The following EBF2 variants were observed in gnomAD, a reference collection of about 807,000 sequenced individuals.
EBF2 encodes EBF transcription factor 2, also known as transcription factor COE2.
Under a neutral mutation model 72.8 loss-of-function variants are expected in EBF2, and 21 were observed. The ratio of observed to expected loss-of-function variants is 0.29; its 90% CI spans 0.20 to 0.42. The LOEUF (loss-of-function observed/expected upper bound fraction) is 0.42. Among genes scored for constraint, EBF2 ranks in the 10% least tolerant of loss-of-function variants. EBF2 has a pLI of 1.00. For missense variants in EBF2, 637 were observed against 731.2 expected (o/e 0.87, Z 1.49); for synonymous variants, 299 against 274.2 (o/e 1.09, Z -0.89).
chr8:26,037,090 G>A (rs1363258145), intron 5 of EBF2, among the ~76,000 whole-genome samples: 1 of 152,042 alleles, frequency 6.6e-6, no homozygotes, highest in Non-Finnish European at 1.5e-5. Context: ...CTTATTTGGA[G>A]AATCTTTTAC....
rs888813262 is a variant in EBF2, at chr8:25,984,661, G to T, written c.551+48424C>A. ...GGTGCCACTGCACTCCAGCCTGGGC[G>T]ACAGAGCAAGACTCCATCTCAAAAA... On this transcript the variant is annotated intron_variant, in intron 6 of 15. Coordinates refer to ENST00000520164, the MANE Select transcript of EBF2 (RefSeq NM_022659.4). Among the ~76,000 whole-genome samples, 9 of 151,340 alleles carry T rather than the reference G, an allele frequency of 5.9e-5. No individual in the cohort carries two copies. The East Asian group carries it at 1.8e-3, about 30-fold the overall frequency.
At chr8:25,986,001 C>CAAAAAAAAAAAAAAAAAAAAAAAAA (rs59820523) in intron 6 of EBF2, among the ~76,000 whole-genome samples, 7 of 28,560 alleles carry the variant, frequency 2.5e-4, no homozygotes, top group East Asian at 1.4e-3. Context: ...AACTCTGTCT[C>CAAAAAAAAAAAAAAAAAAAAAAAAA]AAAAAAAAAA....
chr8:26,026,512 C>T (rs570442582), intron 6 of EBF2, among the ~76,000 whole-genome samples: 8 of 152,296 alleles, frequency 5.3e-5, no homozygotes, highest in African/African-American at 1.9e-4. Context: ...TTGGGCCCAA[C>T]ACAGGTCTTC....
chr8:25,916,959 C>A (rs1803227375), intron 6 of EBF2, among the ~76,000 whole-genome samples: 2 of 152,126 alleles, frequency 1.3e-5, no homozygotes, highest in Non-Finnish European at 2.9e-5. Flanking sequence ...CTACTTCCCC[C>A]ACTATGTAAA....
intron 6 of EBF2, among the ~76,000 whole-genome samples, chr8:25,927,079 C>G (rs1309314399): frequency 2.0e-5 from 3 of 152,084 alleles, no homozygotes; most frequent in Non-Finnish European, 2.9e-5. Flanking sequence ...AACTGGTTGA[C>G]TCTAAGTAGA....
At chr8:26,039,628 C>T (rs914581985) in intron 5 of EBF2, among the ~76,000 whole-genome samples, 2 of 152,186 alleles carry the variant, frequency 1.3e-5, no homozygotes, top group African/African-American at 4.8e-5. Context: ...GGAGTCGTTC[C>T]AGGGCTTTCA....
chr8:25,960,523 T>C (rs570956172), intron 6 of EBF2, among the ~76,000 whole-genome samples: 97 of 152,334 alleles, frequency 6.4e-4, no homozygotes, highest in Non-Finnish European at 1.1e-3. Context: ...ATTAAAATTG[T>C]AGAGGCGCCA....
chr8:26,022,997 AT>A (rs1202116425), intron 6 of EBF2, among the ~76,000 whole-genome samples: 4 of 152,190 alleles, frequency 2.6e-5, no homozygotes, highest in Non-Finnish European at 5.9e-5. Context: ...CATCTAGTCA[AT>A]CCCTAGTGGG....
chr8:26,041,224 CTG>C (rs1427276345), intron 2 of EBF2: 1 of 595,698 alleles, frequency 1.7e-6, no homozygotes, highest in Non-Finnish European at 3.0e-6. Flanking sequence ...TTCCAGCCCT[CTG>C]TCTCCCTTAA....
intron 6 of EBF2, among the ~76,000 whole-genome samples, chr8:26,014,201 T>C (rs1039057823): frequency 6.6e-6 from 1 of 152,092 alleles, no homozygotes; most frequent in African/African-American, 2.4e-5. Context: ...TTTTAAATCT[T>C]AACTTATCAA....
At chr8:25,870,684 G>A (rs1370148376) in intron 10 of EBF2, among the ~76,000 whole-genome samples, 4 of 152,150 alleles carry the variant, frequency 2.6e-5, no homozygotes, top group Non-Finnish European at 5.9e-5. Context: ...GTCATGTCTA[G>A]TTTCTCTTGC....
At chr8:25,953,814 A>G (rs1803900628) in intron 6 of EBF2, among the ~76,000 whole-genome samples, 1 of 152,338 alleles carries the variant, frequency 6.6e-6, no homozygotes, top group East Asian at 1.9e-4. Context: ...AACATCACAC[A>G]GAGCTGGACA....
intron 6 of EBF2, among the ~76,000 whole-genome samples, chr8:26,009,957 G>C (rs190118031): frequency 3.8e-4 from 58 of 152,296 alleles, no homozygotes; most frequent in Non-Finnish European, 6.9e-4. Context: ...GATACCATTG[G>C]CTCGAACTCC....
At chr8:25,912,497 C>CA (rs1554569540) in intron 6 of EBF2, among the ~76,000 whole-genome samples, 33 of 132,364 alleles carry the variant, frequency 2.5e-4, no homozygotes, top group African/African-American at 9.8e-4. Context: ...CACACACACA[C>CA]AACAGGAAGA....
chr8:25,977,604 A>G (rs1011939319), intron 6 of EBF2, among the ~76,000 whole-genome samples: 2 of 152,210 alleles, frequency 1.3e-5, no homozygotes, highest in South Asian at 4.1e-4. Context: ...GCATGAAGAA[A>G]GCACCTTCTT....
intron 6 of EBF2, among the ~76,000 whole-genome samples, chr8:25,993,225 C>T (rs1268145248): frequency 6.6e-6 from 1 of 152,176 alleles, no homozygotes; most frequent in African/African-American, 2.4e-5. Context: ...CTGTCAACCA[C>T]CTTTGGATAA....
chr8:25,915,239 TC>T (rs1803191057), intron 6 of EBF2, among the ~76,000 whole-genome samples: 1 of 151,652 alleles, frequency 6.6e-6, no homozygotes, highest in Non-Finnish European at 1.5e-5. Flanking sequence ...TCTGTCTGAC[TC>T]TTAGCAAAAT....
In EBF2 at chr8:25,842,102, CT is replaced by C. The variant is rs542797664; in HGVS notation, c.*2506del. 1 of 152,136 alleles carries C rather than the reference CT, an allele frequency of 6.6e-6. No homozygotes were observed. The highest frequency in any genetic ancestry group is 1.5e-5 in the Non-Finnish European group (1 of 68,020). The allele number at this position is 152,136 out of a possible 1,614,324, so 9.4% of individuals were successfully genotyped here. On this transcript the variant is annotated 3_prime_UTR_variant, in exon 16 of 16. Transcript: ENST00000520164. ...AAATGAAAAAAATCTTACACAGCTC[CT>C]CTTACAAACACAGGATAGAGTTTGT...
intron 6 of EBF2, among the ~76,000 whole-genome samples, chr8:25,986,000 T>TTAAAAAAAAAAAAA (rs1804445550): frequency 4.0e-4 from 1 of 2,520 alleles, no homozygotes; most frequent in African/African-American, 1.6e-3. Flanking sequence ...AAACTCTGTC[T>TTAAAAAAAAAAAAA]CAAAAAAAAA....
Sources: allele counts gnomAD v4.1 joint callset (sites outside exome capture counted in the v4.1 genomes callset), GRCh38; gene constraint gnomAD v4.1.1; transcripts MANE v1.5; gene names NCBI Gene and HGNC (gene_info 2026-07-23, HGNC 2026-07-21).